The following DGKG variants were observed in gnomAD, a reference collection of about 807,000 sequenced individuals.
The protein encoded by DGKG is diacylglycerol kinase gamma.
A neutral mutation model predicts 105.3 loss-of-function variants in DGKG; 78 were observed. The observed-to-expected ratio is 0.74, with a 90% confidence interval of 0.62 to 0.89. The LOEUF (loss-of-function observed/expected upper bound fraction) is 0.89. Ranked by LOEUF, DGKG falls within the 40% of genes least tolerant of loss-of-function variation. DGKG has a pLI of 0.00. For missense variants in DGKG, 958 were observed against 1,020.1 expected (o/e 0.94, Z 0.83); for synonymous variants, 346 against 367.1 (o/e 0.94, Z 0.66).
At chr3:186,277,163 G>C (rs1324212829) in intron 9 of DGKG, among the ~76,000 whole-genome samples, 1 of 152,152 alleles carries the variant, frequency 6.6e-6, no homozygotes, top group Non-Finnish European at 1.5e-5. Context: ...TTATTCGTTT[G>C]ACCAACATCT....
intron 2 of DGKG, among the ~76,000 whole-genome samples, chr3:186,310,936 G>C (rs996939164): frequency 9.9e-6 from 1 of 100,948 alleles, no homozygotes; most frequent in African/African-American, 4.4e-5. Flanking sequence ...TGGAATTTAA[G>C]TGATTCTTTC....
intron 2 of DGKG, among the ~76,000 whole-genome samples, chr3:186,308,803 T>A (rs1425995837): frequency 6.6e-6 from 1 of 152,224 alleles, no homozygotes; most frequent in African/African-American, 2.4e-5. Flanking sequence ...AAGATACTGT[T>A]AATGGACTAG....
chr3:186,324,192 A>G (rs888581758), intron 1 of DGKG, among the ~76,000 whole-genome samples: 4 of 151,942 alleles, frequency 2.6e-5, no homozygotes, highest in African/African-American at 9.7e-5. Context: ...AAGAGGACGC[A>G]TAGGCACACT....
intron 2 of DGKG, among the ~76,000 whole-genome samples, chr3:186,307,320 T>G (rs1578810456): frequency 6.6e-6 from 1 of 152,334 alleles, no homozygotes; most frequent in Admixed American, 6.5e-5. Context: ...ATTTTATTTA[T>G]CCTATTCCTC....
chr3:186,148,943 A>G lies in DGKG; in HGVS notation c.*1147T>C. 2.3e-6 allele frequency: 2 copies of G among 880,240 alleles called. No homozygotes were observed. Among genetic ancestry groups the G allele is most frequent in the Non-Finnish European group, 2.7e-6 (2 of 738,722 alleles). 54.5% of individuals were successfully genotyped at this position (880,240 alleles called of 1,614,324 possible). A position where few individuals can be genotyped will look rare whatever the true frequency, so the allele number is the denominator to read the frequency against. On this transcript the variant is annotated 3_prime_UTR_variant, in exon 25 of 25. Transcript: ENST00000265022. ...TTTTTTTTCCAATGAGGAAAAGTCC[A>G]TCAGTAAATAAATATTTATATATAT...
At chr3:186,161,394 C>A in intron 24 of DGKG, 1 of 1,404,374 alleles carries the variant, frequency 7.1e-7, no homozygotes, top group South Asian at 1.5e-5. Context: ...TTGTGACCGG[C>A]GCTTCACAGT....
chr3:186,360,825 G>C (rs538824371), intron 1 of DGKG, among the ~76,000 whole-genome samples: 18 of 152,260 alleles, frequency 1.2e-4, no homozygotes, highest in African/African-American at 4.1e-4. Context: ...CATGACCCCT[G>C]GTGTTCACCT....
At chr3:186,277,041 T>C (rs1722620190) in intron 9 of DGKG, among the ~76,000 whole-genome samples, 1 of 152,204 alleles carries the variant, frequency 6.6e-6, no homozygotes, top group African/African-American at 2.4e-5. Flanking sequence ...CAAACCCTGC[T>C]TCTTCCAGGA....
At chr3:186,195,585 C>T (rs1386111996) in intron 21 of DGKG, among the ~76,000 whole-genome samples, 1 of 152,032 alleles carries the variant, frequency 6.6e-6, no homozygotes, top group Non-Finnish European at 1.5e-5. Flanking sequence ...CAGATCACTC[C>T]AGGGTCTTAT....
intron 21 of DGKG, among the ~76,000 whole-genome samples, chr3:186,192,267 C>T (rs940991867): frequency 9.2e-5 from 14 of 152,160 alleles, no homozygotes; most frequent in African/African-American, 3.1e-4. Context: ...CCTTGACCTC[C>T]GGAAGTGCTG....
chr3:186,197,966 T>C (rs954578366), intron 21 of DGKG, among the ~76,000 whole-genome samples: 2 of 152,244 alleles, frequency 1.3e-5, no homozygotes, highest in African/African-American at 2.4e-5. Context: ...GGAATGTATA[T>C]TCTGCCATGC....
chr3:186,251,112 G>C (rs540652511), intron 19 of DGKG, among the ~76,000 whole-genome samples: 1 of 152,134 alleles, frequency 6.6e-6, no homozygotes, highest in South Asian at 2.1e-4. Flanking sequence ...CATGGCAGTG[G>C]GGGGCACCAG....
intron 1 of DGKG, among the ~76,000 whole-genome samples, chr3:186,357,425 G>A (rs1727022567): frequency 6.6e-6 from 1 of 151,748 alleles, no homozygotes; most frequent in Non-Finnish European, 1.5e-5. Flanking sequence ...GAAAAAAAGA[G>A]AAGATAAATA....
intron 4 of DGKG, 36 bp downstream of exon 4, chr3:186,298,028 G>C: frequency 2.5e-6 from 4 of 1,578,782 alleles, no homozygotes; most frequent in Non-Finnish European, 3.4e-6. Context: ...TGAGAGCTGC[G>C]CAAGGTCTTC....
chr3:186,206,709 G>T (rs1266545670), intron 21 of DGKG, among the ~76,000 whole-genome samples: 1 of 152,100 alleles, frequency 6.6e-6, no homozygotes, highest in Non-Finnish European at 1.5e-5. Context: ...CAGGGATGGT[G>T]AGGGTGAGGG....
chr3:186,192,840 T>C (rs886968057), intron 21 of DGKG, among the ~76,000 whole-genome samples: 1 of 152,232 alleles, frequency 6.6e-6, no homozygotes, highest in Non-Finnish European at 1.5e-5. Context: ...AATATTATTA[T>C]ATCTTGCCTC....
chr3:186,309,782 G>A (rs1384213278), intron 2 of DGKG, among the ~76,000 whole-genome samples: 2 of 152,138 alleles, frequency 1.3e-5, no homozygotes. Flanking sequence ...ACCATTCACT[G>A]TAGCAGAATT....
chr3:186,310,138 G>T (rs1339969208), intron 2 of DGKG, among the ~76,000 whole-genome samples: 2 of 150,046 alleles, frequency 1.3e-5, no homozygotes, highest in African/African-American at 4.9e-5. Context: ...GTGGTGGCAC[G>T]TGCCTGTAAT....
chr3:186,260,293 C>T lies in DGKG; in HGVS notation c.1424+146G>A, dbSNP rs530187267. 40 of 653,586 alleles carry T rather than the reference C, an allele frequency of 6.1e-5. 1 individual carries two copies. In the Middle Eastern group the frequency reaches 3.9e-3, roughly 65 times the overall value. The allele number at this position is 653,586 out of a possible 1,614,324, so 40.5% of individuals were successfully genotyped here. ...AGTATCTCCAGGAGTCAGAGTCAGA[C>T]GTGAGAAAAAGCAGAGAAAGGGAGT... On this transcript the variant is annotated intron_variant, in intron 16 of 24. Transcript: ENST00000265022.
Sources: allele counts gnomAD v4.1 joint callset (sites outside exome capture counted in the v4.1 genomes callset), GRCh38; gene constraint gnomAD v4.1.1; transcripts MANE v1.5; gene names NCBI Gene and HGNC (gene_info 2026-07-23, HGNC 2026-07-21).